Variants in ARHGAP15 observed in about 807,000 individuals in gnomAD.
ARHGAP15 encodes the protein rho GTPase-activating protein 15.
In ARHGAP15, 51 loss-of-function variants were observed where a neutral mutation model predicts 63.7. The ratio of observed to expected loss-of-function variants is 0.80; its 90% CI spans 0.64 to 1.01. The LOEUF (loss-of-function observed/expected upper bound fraction) is 1.01. ARHGAP15 is among the 50% of genes least tolerant of loss of function. ARHGAP15 has a pLI of 0.00. For missense variants in ARHGAP15, 560 were observed against 564.6 expected, an observed-to-expected ratio of 0.99 and a Z score of 0.08; for synonymous variants, 191 against 193.8, an observed-to-expected ratio of 0.99 and a Z score of 0.12.
chr2:143,363,983 C>T (rs995682059), intron 6 of ARHGAP15, among the ~76,000 whole-genome samples: 3 of 152,164 alleles, frequency 2.0e-5, no homozygotes, highest in African/African-American at 7.2e-5. Flanking sequence ...AGTTACATGT[C>T]TTCTTCTCAA....
chr2:143,462,182 A>G (rs1690975371), intron 8 of ARHGAP15, among the ~76,000 whole-genome samples: 1 of 152,130 alleles, frequency 6.6e-6, no homozygotes, highest in South Asian at 2.1e-4. Flanking sequence ...TAGACTTATT[A>G]CCAGGTGCAC....
chr2:143,608,845 C>A (rs1315706310), intron 11 of ARHGAP15: 4 of 152,134 alleles, frequency 2.6e-5, no homozygotes, highest in Non-Finnish European at 5.9e-5. Flanking sequence ...CCATCTGTAT[C>A]TTATATTATG....
chr2:143,638,697 A>AT (rs1305135614), intron 12 of ARHGAP15, among the ~76,000 whole-genome samples: 6 of 150,298 alleles, frequency 4.0e-5, no homozygotes, highest in African/African-American at 1.5e-4. Context: ...TAAAAAAAAA[A>AT]AAAAACTCAG....
At chr2:143,181,404 T>C (rs547466247) in intron 2 of ARHGAP15, among the ~76,000 whole-genome samples, 6 of 152,340 alleles carry the variant, frequency 3.9e-5, no homozygotes, top group Admixed American at 2.0e-4. Context: ...CCTCTTGAGC[T>C]ATGGAAATCC....
At chr2:143,183,515 A>G (rs942101337) in intron 2 of ARHGAP15, among the ~76,000 whole-genome samples, 3 of 152,170 alleles carry the variant, frequency 2.0e-5, no homozygotes, top group Non-Finnish European at 4.4e-5. Flanking sequence ...ACTGATTCAA[A>G]CATATCTTTT....
At chr2:143,180,339 C>T (rs763681842) in intron 2 of ARHGAP15, among the ~76,000 whole-genome samples, 2 of 152,208 alleles carry the variant, frequency 1.3e-5, no homozygotes, top group Admixed American at 6.5e-5. Context: ...TAAGAAGCAC[C>T]TTCTCATTAA....
intron 6 of ARHGAP15, among the ~76,000 whole-genome samples, chr2:143,430,136 G>A (rs1287965622): frequency 1.3e-5 from 2 of 151,546 alleles, no homozygotes; most frequent in Non-Finnish European, 2.9e-5. Flanking sequence ...ATGACAGATG[G>A]GGATTACAAA....
intron 6 of ARHGAP15, among the ~76,000 whole-genome samples, chr2:143,369,494 A>G (rs1686449121): frequency 1.3e-5 from 2 of 152,098 alleles, no homozygotes; most frequent in Admixed American, 6.6e-5. Flanking sequence ...AATTTTTTTA[A>G]TTCCTCAGTT....
chr2:143,343,242 G>A (rs1478087464), intron 6 of ARHGAP15, among the ~76,000 whole-genome samples: 1 of 152,026 alleles, frequency 6.6e-6, no homozygotes. Context: ...ATGTGGACAA[G>A]GGAGCATGGA....
At chr2:143,608,938 G>C (rs1460276344) in intron 11 of ARHGAP15, among the ~76,000 whole-genome samples, 3 of 152,220 alleles carry the variant, frequency 2.0e-5, no homozygotes, top group Non-Finnish European at 4.4e-5. Flanking sequence ...AGCTTGAATA[G>C]ACAGAAAAGC....
chr2:143,583,596 A>G (rs1462388842), intron 11 of ARHGAP15, among the ~76,000 whole-genome samples: 3 of 152,168 alleles, frequency 2.0e-5, no homozygotes, highest in Non-Finnish European at 2.9e-5. Flanking sequence ...GCTTAAGCCA[A>G]TGCTTCTGAA....
chr2:143,409,028 C>T (rs1196792236), intron 6 of ARHGAP15, among the ~76,000 whole-genome samples: 2 of 151,906 alleles, frequency 1.3e-5, no homozygotes, highest in African/African-American at 4.8e-5. Context: ...CTGATAATGA[C>T]ATTGTTTAAT....
At chr2:143,363,862 T>C (rs1306174311) in intron 6 of ARHGAP15, among the ~76,000 whole-genome samples, 4 of 152,146 alleles carry the variant, frequency 2.6e-5, no homozygotes, top group Non-Finnish European at 2.9e-5. Context: ...TTCCAAACAA[T>C]AGAAACTCAA....
intron 8 of ARHGAP15, among the ~76,000 whole-genome samples, chr2:143,472,699 G>A (rs1156309189): frequency 6.6e-6 from 1 of 151,968 alleles, no homozygotes; most frequent in Non-Finnish European, 1.5e-5. Context: ...ATGATGATGG[G>A]GGGAATGATG....
chr2:143,413,928 TG>T (rs931976729), intron 6 of ARHGAP15, among the ~76,000 whole-genome samples: 4 of 30,628 alleles, frequency 1.3e-4, no homozygotes, highest in African/African-American at 7.4e-4. Context: ...GGTAGGTAGT[TG>T]TGTGTGTGTG....
At chr2:143,666,865 AT>A (rs1682225207) in intron 12 of ARHGAP15, among the ~76,000 whole-genome samples, 1 of 149,066 alleles carries the variant, frequency 6.7e-6, no homozygotes, top group Non-Finnish European at 1.5e-5. Context: ...CTAAACCGCA[AT>A]GAGATACCAT....
intron 6 of ARHGAP15, among the ~76,000 whole-genome samples, chr2:143,310,008 G>A (rs1683364079): frequency 6.6e-6 from 1 of 151,676 alleles, no homozygotes; most frequent in Non-Finnish European, 1.5e-5. Context: ...TTCTTTCAAG[G>A]CATAATAGAT....
At chr2:143,229,313 T>C (rs901667339) in intron 5 of ARHGAP15, among the ~76,000 whole-genome samples, 3 of 152,242 alleles carry the variant, frequency 2.0e-5, no homozygotes, top group African/African-American at 4.8e-5. Flanking sequence ...CTAACCTTTT[T>C]GAATATTTCT....
At chr2:143,596,296 C>T (rs957091311) in intron 11 of ARHGAP15, among the ~76,000 whole-genome samples, 5 of 152,182 alleles carry the variant, frequency 3.3e-5, no homozygotes, top group Admixed American at 2.6e-4. Context: ...TGAAGCAAAA[C>T]GTGCTGCTGG....
Sources: allele counts gnomAD v4.1 joint callset (sites outside exome capture counted in the v4.1 genomes callset), GRCh38; gene constraint gnomAD v4.1.1; transcripts MANE v1.5; gene names NCBI Gene and HGNC (gene_info 2026-07-23, HGNC 2026-07-21).